The following SPAG16 variants were observed in gnomAD, a reference collection of about 807,000 sequenced individuals.
SPAG16 encodes the protein sperm-associated antigen 16 protein.
In SPAG16, 86 loss-of-function variants were observed where a neutral mutation model predicts 80.4. That is an observed-to-expected ratio of 1.07 (90% CI 0.90 to 1.28). The LOEUF is 1.28. Among genes scored for constraint, SPAG16 ranks in the 50% most tolerant of loss-of-function variants. The pLI, the probability that SPAG16 is intolerant of heterozygous loss-of-function variation, is 0.00. For synonymous variants in SPAG16, 294 were observed against 265.9 expected (o/e 1.11, Z -1.03); for missense variants, 870 against 765.3 (o/e 1.14, Z -1.61).
chr2:214,224,079 C>T (rs2058645257), intron 15 of SPAG16, among the ~76,000 whole-genome samples: 2 of 152,168 alleles, frequency 1.3e-5, no homozygotes, highest in Non-Finnish European at 2.9e-5. Flanking sequence ...GCTGTAGTCT[C>T]CTTGGCCCCA....
intron 15 of SPAG16, among the ~76,000 whole-genome samples, chr2:214,360,864 C>A (rs1699139973): frequency 6.6e-6 from 1 of 151,638 alleles, no homozygotes; most frequent in African/African-American, 2.4e-5. Flanking sequence ...GCTTAAATAC[C>A]CTCTTTCTGG....
At chr2:214,296,110 A>G (rs957051821) in intron 15 of SPAG16, among the ~76,000 whole-genome samples, 5 of 151,992 alleles carry the variant, frequency 3.3e-5, no homozygotes, top group Non-Finnish European at 7.4e-5. Flanking sequence ...GTCCATGTGT[A>G]CTCATTTGTT....
intron 10 of SPAG16, among the ~76,000 whole-genome samples, chr2:213,528,404 G>A (rs1334047113): frequency 6.6e-6 from 1 of 151,928 alleles, no homozygotes; most frequent in Non-Finnish European, 1.5e-5. Flanking sequence ...ACCTGTTTTG[G>A]TTTTACCAAA....
At position 214,299,311 on chromosome 2, in the gene SPAG16, C is replaced by T. The variant is rs566763739; in HGVS notation, c.1721-110829C>T. Among the ~76,000 whole-genome samples, 7 of 135,418 alleles carry T rather than the reference C, an allele frequency of 5.2e-5. No homozygotes were observed. The East Asian group carries it at 6.5e-4, about 13-fold the overall frequency. 88.8% of individuals were successfully genotyped at this position (135,418 alleles called of 152,430 possible). ...TGTCACCCAGGCTGGAGTGCAGTGGCGCAATCTTGGCTCACTTCAACCTCC... is the reference window on the plus strand; with the variant it reads ...TGTCACCCAGGCTGGAGTGCAGTGGTGCAATCTTGGCTCACTTCAACCTCC... On this transcript the variant is annotated intron_variant, in intron 15 of 15. Transcript: ENST00000331683.
chr2:213,839,595 AAAC>A (rs1346399805), intron 10 of SPAG16, among the ~76,000 whole-genome samples: 2 of 152,198 alleles, frequency 1.3e-5, no homozygotes, highest in African/African-American at 4.8e-5. Context: ...ATGTAGCCAA[AAAC>A]AACAATTCTA....
chr2:213,670,577 T>C (rs993251126), intron 10 of SPAG16, among the ~76,000 whole-genome samples: 2 of 152,098 alleles, frequency 1.3e-5, no homozygotes, highest in African/African-American at 4.8e-5. Flanking sequence ...TTTTTCTCCT[T>C]GAGTTTAAAT....
chr2:213,843,153 G>A (rs1195919137), intron 10 of SPAG16, among the ~76,000 whole-genome samples: 2 of 151,546 alleles, frequency 1.3e-5, no homozygotes, highest in African/African-American at 4.9e-5. Flanking sequence ...TAGGGTACAT[G>A]TGCACAATGT....
intron 13 of SPAG16, among the ~76,000 whole-genome samples, chr2:214,070,929 A>G (rs2050760303): frequency 6.6e-6 from 1 of 152,110 alleles, no homozygotes. Flanking sequence ...AATATAGTAG[A>G]GAAAGTTATA....
intron 9 of SPAG16, among the ~76,000 whole-genome samples, chr2:213,453,742 G>A (rs377145786): frequency 8.5e-5 from 13 of 152,220 alleles, no homozygotes; most frequent in East Asian, 3.9e-4. Flanking sequence ...GTCTCTCCTG[G>A]CCCAGCCTCA....
At chr2:213,701,247 AAAT>A (rs1369434065) in intron 10 of SPAG16, among the ~76,000 whole-genome samples, 7 of 58,498 alleles carry the variant, frequency 1.2e-4, no homozygotes, top group African/African-American at 1.7e-4. Flanking sequence ...CTAAAAAAAT[AAAT>A]AAATAAATAA....
At chr2:214,018,270 AC>A (rs2047688551) in intron 13 of SPAG16, among the ~76,000 whole-genome samples, 2 of 151,202 alleles carry the variant, frequency 1.3e-5, no homozygotes, top group Admixed American at 1.3e-4. Flanking sequence ...ACAAAACAAA[AC>A]AAAAAAACTT....
chr2:214,259,959 C>T (rs145780348), intron 15 of SPAG16, among the ~76,000 whole-genome samples: 5 of 152,106 alleles, frequency 3.3e-5, no homozygotes, highest in East Asian at 3.9e-4. Flanking sequence ...TAAAGAACTG[C>T]GCCATTTTAC....
At chr2:213,980,220 T>C (rs957967217) in intron 12 of SPAG16, among the ~76,000 whole-genome samples, 1 of 129,752 alleles carries the variant, frequency 7.7e-6, no homozygotes, top group Non-Finnish European at 1.6e-5. Flanking sequence ...AGAATATATG[T>C]GTGTATATAT....
At chr2:214,259,795 G>GTGTT (rs1365292124) in intron 15 of SPAG16, among the ~76,000 whole-genome samples, 1 of 152,090 alleles carries the variant, frequency 6.6e-6, no homozygotes, top group Non-Finnish European at 1.5e-5. Flanking sequence ...CCCACAATGT[G>GTGTT]TGTTTGCATT....
At chr2:214,379,799 A>C (rs73989465) in intron 15 of SPAG16, among the ~76,000 whole-genome samples, 7,964 of 151,820 alleles carry the variant, frequency 0.052, 684 homozygotes, top group African/African-American at 0.18. Context: ...TGGGCATACT[A>C]ACCATGGCCC....
intron 14 of SPAG16, among the ~76,000 whole-genome samples, chr2:214,121,458 C>T (rs2054216049): frequency 2.0e-5 from 3 of 151,798 alleles, no homozygotes; most frequent in Non-Finnish European, 3.0e-5. Flanking sequence ...TTATATTTTT[C>T]TCCTATTGGT....
At chr2:214,053,124 G>A (rs1243890785) in intron 13 of SPAG16, among the ~76,000 whole-genome samples, 1 of 152,142 alleles carries the variant, frequency 6.6e-6, no homozygotes, top group Non-Finnish European at 1.5e-5. Flanking sequence ...TCACCTGGAG[G>A]AGAAAGACAA....
intron 12 of SPAG16, among the ~76,000 whole-genome samples, chr2:213,939,651 A>G (rs916791614): frequency 3.9e-5 from 6 of 152,274 alleles, no homozygotes; most frequent in African/African-American, 1.2e-4. Context: ...GATCATTTGA[A>G]GCGGTTTTCA....
chr2:213,795,047 G>A (rs1270600370), intron 10 of SPAG16, among the ~76,000 whole-genome samples: 3 of 152,038 alleles, frequency 2.0e-5, no homozygotes, highest in Non-Finnish European at 2.9e-5. Flanking sequence ...TAATTGAGCC[G>A]ATGAGAATAA....
Sources: allele counts gnomAD v4.1 joint callset (sites outside exome capture counted in the v4.1 genomes callset), GRCh38; gene constraint gnomAD v4.1.1; transcripts MANE v1.5; gene names NCBI Gene and HGNC (gene_info 2026-07-23, HGNC 2026-07-21).